CACNA1H: variants seen among roughly 807,000 people sequenced by gnomAD.
CACNA1H encodes the protein voltage-dependent T-type calcium channel subunit alpha-1H.
In CACNA1H, 149 loss-of-function variants were observed where a neutral mutation model predicts 192.5. The observed-to-expected ratio is 0.77, with a 90% CI of 0.68 to 0.89. CACNA1H has a LOEUF of 0.89. Among genes scored for constraint, CACNA1H ranks in the 40% least tolerant of loss-of-function variants. The probability of loss-of-function intolerance (pLI) is 0.00; values close to 1 mark genes in which losing one functional copy is unlikely to be tolerated. For synonymous variants in CACNA1H, 2,202 were observed against 1,475.2 expected (o/e 1.49, Z -11.29); for missense variants, 4,257 against 3,423.5 (o/e 1.24, Z -6.08).
At chr16:1,157,576 C>T (rs557340689) in intron 2 of CACNA1H, 5 of 152,292 alleles carry the variant, frequency 3.3e-5, no homozygotes, top group Non-Finnish European at 5.9e-5. Context: ...CCGCCTGCGC[C>T]CGCCTCCCCG....
rs183849936 is a variant in CACNA1H at position 1,201,052 on chromosome 16, C to T, written c.1212+244C>T. Among the ~76,000 whole-genome samples the T allele has an allele frequency of 1.7e-3, 259 of 152,172 alleles. 3 individuals are homozygous for T. In the East Asian group the frequency reaches 0.018, roughly 10 times the overall value. On this transcript the variant is annotated intron_variant, in intron 8 of 34. Transcript: ENST00000348261. ...CTCAGGGCTGAAGAGCCAGGAACACCCTGGGGAGTGCATAGCCTCCCAGCA... is the reference window on the plus strand; with the variant it reads ...CTCAGGGCTGAAGAGCCAGGAACACTCTGGGGAGTGCATAGCCTCCCAGCA...
chr16:1,191,849 C>T (rs1213590924), intron 2 of CACNA1H, among the ~76,000 whole-genome samples: 1 of 145,692 alleles, frequency 6.9e-6, no homozygotes, highest in Admixed American at 6.7e-5. Context: ...GTTGTGTGGC[C>T]TCAGGCACAC....
intron 9 of CACNA1H, among the ~76,000 whole-genome samples, chr16:1,203,052 T>C (rs537569623): frequency 8.5e-5 from 13 of 152,158 alleles, no homozygotes; most frequent in African/African-American, 2.9e-4. Context: ...TGTACACAGA[T>C]GTAGAGACGC....
rs61319429 is a variant in CACNA1H, at chr16:1,209,297, C to T, written c.3629C>T (p.Pro1210Leu). 1,981 of 1,588,932 alleles carry T rather than the reference C, an allele frequency of 1.2e-3. 3 individuals carry two copies. The highest frequency in any genetic ancestry group is 1.4e-3 in the Non-Finnish European group (1,665 of 1,174,558). Reference protein sequence around the residue: ...DPRPLRPAALPPTKCRDRDGQ... With the variant: ...DPRPLRPAALLPTKCRDRDGQ... ...CGGCCCCTGCGGCCGGCCGCCCTCC[C>T]GCCTACCAAGTGCCGCGATCGCGAC... The change falls in exon 17 of 35, where the codon CCG becomes CTG. Residue 1210 changes from proline (P) to leucine (L), a missense_variant. Coordinates refer to ENST00000348261, the MANE Select transcript of CACNA1H (RefSeq NM_021098.3).
Position 1,202,443 on chromosome 16 carries a change from G to A in CACNA1H, c.1993G>A (p.Gly665Arg), listed in dbSNP as rs761785619. The change falls in exon 9 of 35, where the codon GGG (glycine) becomes AGG (arginine). Residue 665 changes from glycine (G) to arginine (R), a missense_variant. Coordinates refer to ENST00000348261, the MANE Select transcript of CACNA1H (RefSeq NM_021098.3). ...CTACGAGAAGATCCCGCATGTGGTC[G>A]GGGAGCATGGTGAGGACCCAGCCCC... The part of the protein sequence containing the change: ...DPYEKIPHVV[G>R]EHGLGQAPGH... The A allele has an allele frequency of 2.5e-5, 38 of 1,492,072 alleles. No individual in the cohort carries two copies. The highest frequency in any genetic ancestry group is 3.0e-5 in the Non-Finnish European group (34 of 1,116,586). The allele number at this position is 1,492,072 out of a possible 1,614,324, so 92.4% of individuals were successfully genotyped here.
intron 2 of CACNA1H, among the ~76,000 whole-genome samples, chr16:1,182,501 G>T (rs955867151): frequency 6.6e-6 from 1 of 152,078 alleles, no homozygotes; most frequent in African/African-American, 2.4e-5. Flanking sequence ...CCGCGGCGCC[G>T]GCTGGAGACA....
chr16:1,214,221 A>T (rs1485977241), intron 27 of CACNA1H, among the ~76,000 whole-genome samples: 1 of 152,152 alleles, frequency 6.6e-6, no homozygotes, highest in Admixed American at 6.5e-5. Context: ...CATCCGACCC[A>T]TGGGGAGGGG....
intron 2 of CACNA1H, among the ~76,000 whole-genome samples, chr16:1,156,682 C>T (rs2151623498): frequency 6.6e-6 from 1 of 152,278 alleles, no homozygotes; most frequent in African/African-American, 2.4e-5. Context: ...ATCGGATTTG[C>T]TCAGGGAACC....
chr16:1,169,527 G>A lies in CACNA1H; in HGVS notation c.299+15491G>A, dbSNP rs1025948808. Among the ~76,000 whole-genome samples the A allele has an allele frequency of 5.9e-5, 9 of 152,316 alleles. No individual in the cohort carries two copies. In the East Asian group the frequency reaches 7.7e-4, roughly 13 times the overall value. On this transcript the variant is annotated intron_variant, in intron 2 of 34. Transcript: ENST00000348261. ...GCACAGCGCGTGTCTCGGGTTCCCCGTGGGCAGCGACCCCAAGCTCCAGCC... is the reference window on the plus strand; with the variant it reads ...GCACAGCGCGTGTCTCGGGTTCCCCATGGGCAGCGACCCCAAGCTCCAGCC...
In CACNA1H at chr16:1,198,688, C is replaced by G; in HGVS notation, c.717C>G (p.Phe239Leu). The G allele has an allele frequency of 6.2e-7, 1 of 1,613,512 alleles. No homozygotes were observed. The highest frequency in any genetic ancestry group is 8.5e-7 in the Non-Finnish European group (1 of 1,179,650). Reference sequence around the variant, plus strand: ...GGAACGTCCTTCTGCTGTGCTTCTTCGTCTTCTTCATTTTCGGCATCGTTG... The same window carrying G: ...GGAACGTCCTTCTGCTGTGCTTCTTGGTCTTCTTCATTTTCGGCATCGTTG... Reference protein sequence around the residue: ...MLGNVLLLCFFVFFIFGIVGV... With the variant: ...MLGNVLLLCFLVFFIFGIVGV... Residue 239 changes from phenylalanine (F) to leucine (L), a missense_variant, in exon 6 of 35, where the codon TTC (phenylalanine) becomes TTG (leucine). By Grantham distance (22) the Phe-to-Leu change is conservative (BLOSUM62 0). Transcript: ENST00000348261.
chr16:1,184,535 G>A (rs1345560696), intron 2 of CACNA1H, among the ~76,000 whole-genome samples: 2 of 152,248 alleles, frequency 1.3e-5, no homozygotes, highest in East Asian at 3.8e-4. Flanking sequence ...GAGGAGGCAC[G>A]GATGCCGCAT....
At chr16:1,208,982 T>A in intron 16 of CACNA1H, 50 bp from the exon 17 acceptor site, 1 of 1,399,160 alleles carries the variant, frequency 7.1e-7, no homozygotes, top group Non-Finnish European at 9.2e-7. Flanking sequence ...ATGACAGCGG[T>A]CGGTGCTAAT....
At chr16:1,199,802 G>A (rs1967580949) in intron 6 of CACNA1H, among the ~76,000 whole-genome samples, 1 of 150,786 alleles carries the variant, frequency 6.6e-6, no homozygotes, top group Non-Finnish European at 1.5e-5. Context: ...CTCACCCCAG[G>A]GCTGCCTCCT....
At chr16:1,155,038 G>C (rs574811567) in intron 2 of CACNA1H, among the ~76,000 whole-genome samples, 1 of 152,246 alleles carries the variant, frequency 6.6e-6, no homozygotes. Flanking sequence ...CGGAGGTGGG[G>C]AGACAGGCTG....
At chr16:1,194,827 C>T (rs995575421) in intron 2 of CACNA1H, 145 bp from the exon 3 acceptor site, 9 of 632,234 alleles carry the variant, frequency 1.4e-5, no homozygotes, top group East Asian at 5.7e-5. Flanking sequence ...GGGCGGCCGT[C>T]GGTCCCGAGT....
At chr16:1,203,679 CT>C (rs774267962) in intron 9 of CACNA1H, among the ~76,000 whole-genome samples, 9 of 152,320 alleles carry the variant, frequency 5.9e-5, no homozygotes, top group Non-Finnish European at 1.2e-4. Flanking sequence ...CTCGCCTCTC[CT>C]AAGTTCTGGC....
rs952310417 is a variant in CACNA1H at position 1,213,772 on chromosome 16, C to T, written c.4778-8C>T. The stretch of plus-strand genomic sequence containing the variant: ...CCTGCCCGGCGCTCATGGCCGCCCT[C>T]CCCGCAGAGGCCCAGCGCCGGCCCT... On this transcript the variant is annotated splice_region_variant and splice_polypyrimidine_tract_variant and intron_variant, in intron 26 of 34. Transcript: ENST00000348261. 9 of 1,544,042 alleles carry T rather than the reference C, an allele frequency of 5.8e-6. No homozygotes were observed. The highest frequency in any genetic ancestry group is 1.2e-5 in the South Asian group (1 of 84,234).
rs1224072645 is a variant in CACNA1H at position 1,195,196 on chromosome 16, C to T, written c.411+113C>T. Reference sequence around the variant, plus strand: ...GTTCAAGGTGGGGCGTGGAGTGGGTCAGGGTCGGGGATCAGGGCGAGGTTC... The same window carrying T: ...GTTCAAGGTGGGGCGTGGAGTGGGTTAGGGTCGGGGATCAGGGCGAGGTTC... On this transcript the variant is annotated intron_variant, in intron 3 of 34. Coordinates refer to ENST00000348261, the MANE Select transcript of CACNA1H (RefSeq NM_021098.3). The T allele has an allele frequency of 5.9e-6, 5 of 849,692 alleles. No homozygotes were observed. In the Admixed American group the frequency reaches 9.9e-5, roughly 17 times the overall value. The allele number at this position is 849,692 out of a possible 1,614,324, so 52.6% of individuals were successfully genotyped here.
chr16:1,204,330 A>T lies in CACNA1H; in HGVS notation c.2323A>T (p.Met775Leu), dbSNP rs939117028. The T allele has an allele frequency of 1.3e-6, 2 of 1,594,202 alleles. No homozygotes were observed. Among genetic ancestry groups the T allele is most frequent in the Non-Finnish European group, 1.7e-6 (2 of 1,168,948 alleles). The change falls in exon 10 of 35, where the codon ATG becomes TTG. Residue 775 changes from methionine (M) to leucine (L), a missense_variant. Coordinates refer to ENST00000348261, the MANE Select transcript of CACNA1H (RefSeq NM_021098.3). The part of the protein sequence containing the change: ...QRAAPGEPGW[M>L]GRLWVTFSGK... ...GGCAGCCCCGGGCGAGCCAGGCTGG[A>T]TGGGCCGCCTCTGGGTTACCTTCAG...
Sources: gnomAD v4.1 joint callset for allele counts (sites outside exome capture counted in the v4.1 genomes callset) on GRCh38, gnomAD v4.1.1 for gene constraint, MANE v1.5 for transcripts, NCBI Gene and HGNC (gene_info 2026-07-23, HGNC 2026-07-21) for gene names.